The following TET1 variants were observed in gnomAD, a reference collection of about 807,000 sequenced individuals.
The protein encoded by TET1 is tet methylcytosine dioxygenase 1.
TET1 carries 13 observed loss-of-function variants against 148.7 expected under a neutral mutation model. That is an observed-to-expected ratio of 0.09 (90% confidence interval 0.06 to 0.14). The LOEUF (loss-of-function observed/expected upper bound fraction) is 0.14. TET1 is among the 10% of genes least tolerant of loss of function. The pLI is 1.00. For missense variants in TET1, 2,182 were observed against 2,553.8 expected (o/e 0.85, Z 3.14); for synonymous variants, 907 against 937.2 (o/e 0.97, Z 0.59).
chr10:68,572,314 T>G lies in TET1; in HGVS notation c.-25T>G. The G allele has an allele frequency of 4.5e-6, 7 of 1,560,948 alleles. No individual in the cohort carries two copies. The highest frequency in any genetic ancestry group is 6.0e-6 in the Non-Finnish European group (7 of 1,158,840). Reference sequence around the variant, plus strand: ...ACCAATGACTCTGTTTCCTGCGCCCTTTCATTTTTTCCTACTCTGTAGCTA... The same window carrying G: ...ACCAATGACTCTGTTTCCTGCGCCCGTTCATTTTTTCCTACTCTGTAGCTA... On this transcript the variant is annotated 5_prime_UTR_variant, in exon 2 of 12. Transcript: ENST00000373644.
At chr10:68,637,539 T>TTTTTTTTTTTTTTTTTTTTTC (rs2054672119) in intron 3 of TET1, among the ~76,000 whole-genome samples, 1 of 148,016 alleles carries the variant, frequency 6.8e-6, no homozygotes, top group African/African-American at 2.5e-5. Flanking sequence ...TTTTTTTTTT[T>TTTTTTTTTTTTTTTTTTTTTC]AAGAGACAGA....
chr10:68,651,579 G>T (rs186100851), intron 4 of TET1, among the ~76,000 whole-genome samples: 36 of 151,954 alleles, frequency 2.4e-4, no homozygotes, highest in Middle Eastern at 3.4e-3. Context: ...GGAGATAGGA[G>T]TATAAATATG....
intron 1 of TET1, among the ~76,000 whole-genome samples, chr10:68,561,261 C>G (rs1481532192): frequency 6.6e-6 from 1 of 151,994 alleles, no homozygotes; most frequent in African/African-American, 2.4e-5. Flanking sequence ...TCCCTCCCCC[C>G]ATATATATAT....
chr10:68,573,503 C>T lies in TET1; in HGVS notation c.1165C>T (p.Leu389=). ...PGADPVHGEA[L]GETPDLPEIP... is the part of the protein sequence containing the mutation. ...TGCTGACCCAGTTCATGGTGAGGCCCTGGGTGAGACCCCAGATCTACCAGA... is the reference window on the plus strand; with the variant it reads ...TGCTGACCCAGTTCATGGTGAGGCCTTGGGTGAGACCCCAGATCTACCAGA... Residue 389 remains leucine (L), a synonymous_variant, in exon 2 of 12, where the codon CTG becomes TTG. Transcript: ENST00000373644. 1 of 1,614,118 alleles carries T rather than the reference C, an allele frequency of 6.2e-7. No homozygotes were observed. The highest frequency in any genetic ancestry group is 8.5e-7 in the Non-Finnish European group (1 of 1,180,016).
intron 11 of TET1, 71 bp downstream of exon 11, chr10:68,686,778 T>G (rs1564511672): frequency 5.7e-6 from 8 of 1,395,498 alleles, no homozygotes; most frequent in Non-Finnish European, 6.8e-6. Context: ...TTGCCTTGCC[T>G]TATTTGTTTA....
At chr10:68,673,597 C>T (rs944236620) in intron 8 of TET1, 8 of 155,934 alleles carry the variant, frequency 5.1e-5, no homozygotes, top group Non-Finnish European at 8.4e-5. Flanking sequence ...TTTATCAGCT[C>T]GTGGGTGGGT....
intron 6 of TET1, among the ~76,000 whole-genome samples, chr10:68,658,533 A>C (rs1432288620): frequency 1.3e-5 from 2 of 152,144 alleles, no homozygotes; most frequent in Non-Finnish European, 2.9e-5. Context: ...GGCCAGCACC[A>C]CTTTCTTAGC....
chr10:68,658,748 T>C (rs769998761), intron 6 of TET1, among the ~76,000 whole-genome samples: 1 of 152,144 alleles, frequency 6.6e-6, no homozygotes, highest in Non-Finnish European at 1.5e-5. Flanking sequence ...GGTAATGTAG[T>C]TTCTTAGATG....
chr10:68,619,615 T>A (rs2054341389), intron 3 of TET1, among the ~76,000 whole-genome samples: 1 of 152,132 alleles, frequency 6.6e-6, no homozygotes, highest in African/African-American at 2.4e-5. Context: ...CAAAACAACA[T>A]TGCATTTTTA....
intron 2 of TET1, among the ~76,000 whole-genome samples, chr10:68,577,492 A>G (rs1256905732): frequency 1.7e-5 from 2 of 116,626 alleles, no homozygotes; most frequent in Non-Finnish European, 4.2e-5. Flanking sequence ...TCATCAAAAA[A>G]CAAAAAACAA....
Position 68,682,928 on chromosome 10 carries a change from T to C in TET1, c.5007T>C (p.Ala1669=). The C allele has an allele frequency of 1.2e-6, 2 of 1,614,052 alleles. No homozygotes were observed. The highest frequency in any genetic ancestry group is 1.7e-6 in the Non-Finnish European group (2 of 1,180,022). Reference sequence around the variant, plus strand: ...TCACTGCTTGCCTGGACTTCTGTGCTCATCCCCACAGGGACATTCACAACA... The same window carrying C: ...TCACTGCTTGCCTGGACTTCTGTGCCCATCCCCACAGGGACATTCACAACA... ...SGVTACLDFC[A]HPHRDIHNMN... The change falls in exon 10 of 12, where the codon GCT becomes GCC. Residue 1669 remains alanine (A), a synonymous_variant. Coordinates refer to ENST00000373644, the MANE Select transcript of TET1 (RefSeq NM_030625.3).
At chr10:68,580,801 A>T (rs1304759718) in intron 2 of TET1, among the ~76,000 whole-genome samples, 22,797 of 121,748 alleles carry the variant, frequency 0.19, 2,082 homozygotes, top group South Asian at 0.24. Context: ...AAAAAAAAAA[A>T]AAAAATATAT....
In TET1 at chr10:68,646,996, A is replaced by G; in HGVS notation, c.4267A>G (p.Ser1423Gly). The G allele has an allele frequency of 6.2e-7, 1 of 1,611,520 alleles. No individual in the cohort carries two copies. ...ITKDSELPTCSCLDRVIQKDK... is the reference protein window; with the variant it reads ...ITKDSELPTCGCLDRVIQKDK... ...TAAAGATTCTGAACTGCCCACCTGC[A>G]GCTGTCTTGGTGAGTACTTGTGTGC... Residue 1423 changes from serine (S) to glycine (G), a missense_variant, in exon 4 of 12, where the codon AGC becomes GGC. Coordinates refer to ENST00000373644, the MANE Select transcript of TET1 (RefSeq NM_030625.3).
intron 1 of TET1, among the ~76,000 whole-genome samples, chr10:68,563,840 C>A (rs2053579897): frequency 6.6e-6 from 1 of 152,162 alleles, no homozygotes; most frequent in Admixed American, 6.5e-5. Flanking sequence ...TGCCACCACA[C>A]CTGGCTAATT....
intron 7 of TET1, among the ~76,000 whole-genome samples, chr10:68,668,323 AT>A (rs1004542341): frequency 5.6e-4 from 86 of 152,304 alleles, no homozygotes; most frequent in African/African-American, 2.1e-3. Flanking sequence ...GTATTTAGGC[AT>A]GTTTTTCTAT....
At position 68,631,274 on chromosome 10, in the gene TET1, A is replaced by G. The variant is rs113669794; in HGVS notation, c.1969-13424A>G. Among the ~76,000 whole-genome samples, 728 of 152,328 alleles carry G rather than the reference A, an allele frequency of 4.8e-3. 3 individuals are homozygous for G. The highest frequency in any genetic ancestry group is 0.017 in the African/African-American group (692 of 41,576). On this transcript the variant is annotated intron_variant, in intron 3 of 11. Coordinates refer to ENST00000373644, the MANE Select transcript of TET1 (RefSeq NM_030625.3). ...GGGACTACGTTGGTGAATAGTTTCA[A>G]CATAGTGGTGGGAACAAAAACCTAA...
intron 3 of TET1, among the ~76,000 whole-genome samples, chr10:68,637,897 A>C (rs1448416874): frequency 6.6e-6 from 1 of 151,508 alleles, no homozygotes; most frequent in Non-Finnish European, 1.5e-5. Flanking sequence ...CTAGTACCTC[A>C]GCCTCCAAAG....
Position 68,572,421 on chromosome 10 carries a change from G to T in TET1, c.83G>T (p.Arg28Leu). ...AAAAAAAAGAAAAACAGCCAACTACGAAAGACAACCAAGGGAGCCAACAAA... is the reference window on the plus strand; with the variant it reads ...AAAAAAAAGAAAAACAGCCAACTACTAAAGACAACCAAGGGAGCCAACAAA... ...VNKKKKNSQLRKTTKGANKNV... is the reference protein window; with the variant it reads ...VNKKKKNSQLLKTTKGANKNV... The change falls in exon 2 of 12, where the codon CGA becomes CTA. Residue 28 changes from arginine (R) to leucine (L), a missense_variant. Transcript: ENST00000373644. The T allele has an allele frequency of 1.2e-6, 2 of 1,613,546 alleles. No individual in the cohort carries two copies. Among genetic ancestry groups the T allele is most frequent in the Non-Finnish European group, 1.7e-6 (2 of 1,179,906 alleles).
At chr10:68,647,815 G>C (rs559305505) in intron 4 of TET1, among the ~76,000 whole-genome samples, 1 of 152,074 alleles carries the variant, frequency 6.6e-6, no homozygotes, top group Non-Finnish European at 1.5e-5. Flanking sequence ...ATTGAAGCTG[G>C]TTTATGTCTT....
Sources: allele counts gnomAD v4.1 joint callset (sites outside exome capture counted in the v4.1 genomes callset), GRCh38; gene constraint gnomAD v4.1.1; transcripts MANE v1.5; gene names NCBI Gene and HGNC (gene_info 2026-07-23, HGNC 2026-07-21).